The following RAB3C variants were observed in gnomAD, a reference collection of about 807,000 sequenced individuals.
The protein encoded by RAB3C is ras-related protein Rab-3C.
Under a neutral mutation model 26.4 loss-of-function variants are expected in RAB3C, and 17 were observed. The observed-to-expected ratio is 0.64, with a 90% CI of 0.44 to 0.97. The LOEUF is 0.97. RAB3C is among the 50% of genes least tolerant of loss of function. RAB3C has a pLI of 0.00. For missense variants in RAB3C, 242 were observed against 281.9 expected (o/e 0.86, Z 1.01); for synonymous variants, 91 against 95.9 (o/e 0.95, Z 0.30).
chr5:58,685,424 C>T (rs545258642), intron 2 of RAB3C, among the ~76,000 whole-genome samples: 44 of 152,188 alleles, frequency 2.9e-4, no homozygotes, highest in African/African-American at 5.5e-4. Context: ...AACTTTCTGT[C>T]GCCCACTTAA....
intron 1 of RAB3C, among the ~76,000 whole-genome samples, chr5:58,593,923 C>T (rs1036677180): frequency 1.3e-5 from 2 of 152,108 alleles, no homozygotes; most frequent in Non-Finnish European, 2.9e-5. Context: ...GTCTAGCGAC[C>T]TTCAAAAAAA....
chr5:58,583,439 A>G, intron 1 of RAB3C: 1 of 688,970 alleles, frequency 1.5e-6, no homozygotes, highest in Non-Finnish European at 1.8e-6. Context: ...GGATCGGGCT[A>G]TTCGCAATCT....
Position 58,735,176 on chromosome 5 carries a change from A to G in RAB3C, c.371+9056A>G, listed in dbSNP as rs144760447. ...GAGGGCTATTTAAAGCAGCAAAGTCACCTGCAACGAGCACAAAAATACGAA... is the reference window on the plus strand; with the variant it reads ...GAGGGCTATTTAAAGCAGCAAAGTCGCCTGCAACGAGCACAAAAATACGAA... On this transcript the variant is annotated intron_variant, in intron 3 of 4. Coordinates refer to ENST00000282878, the MANE Select transcript of RAB3C (RefSeq NM_138453.4). Among the ~76,000 whole-genome samples the G allele has an allele frequency of 1.1e-3, 168 of 152,308 alleles. 1 individual carries two copies. The highest frequency in any genetic ancestry group is 3.8e-3 in the African/African-American group (156 of 41,564).
chr5:58,583,167 A>G lies in RAB3C; in HGVS notation c.-42A>G. 1.2e-6 allele frequency: 2 copies of G among 1,614,056 alleles called. No individual in the cohort carries two copies. The highest frequency in any genetic ancestry group is 1.7e-6 in the Non-Finnish European group (2 of 1,180,034). The stretch of plus-strand genomic sequence containing the variant: ...TGTGCACGCTTGACCGGAAGCCCAG[A>G]CCAGTGCGGTCCTAGCCAGAGAGAA... On this transcript the variant is annotated 5_prime_UTR_variant, in exon 1 of 5. Coordinates refer to ENST00000282878, the MANE Select transcript of RAB3C (RefSeq NM_138453.4).
intron 4 of RAB3C, among the ~76,000 whole-genome samples, chr5:58,835,859 A>G (rs1743735602): frequency 6.6e-6 from 1 of 152,252 alleles, no homozygotes; most frequent in Non-Finnish European, 1.5e-5. Context: ...GAGCTGAAAA[A>G]GATTAAATCA....
chr5:58,683,320 T>TA (rs1170060472), intron 2 of RAB3C, among the ~76,000 whole-genome samples: 2 of 152,234 alleles, frequency 1.3e-5, no homozygotes, highest in Admixed American at 6.5e-5. Context: ...CTTATATACT[T>TA]TTCCTCCTGG....
At chr5:58,593,564 A>C (rs570576737) in intron 1 of RAB3C, among the ~76,000 whole-genome samples, 1 of 152,282 alleles carries the variant, frequency 6.6e-6, no homozygotes, top group South Asian at 2.1e-4. Flanking sequence ...TTTCAAATTA[A>C]ATTGTGGGCT....
At chr5:58,846,793 G>T (rs1156676) in intron 4 of RAB3C, 4,748 of 151,872 alleles carry the variant, frequency 0.031, 134 homozygotes, top group East Asian at 0.1. Flanking sequence ...CTCTCTGCTT[G>T]CTCTTTCAGT....
intron 3 of RAB3C, among the ~76,000 whole-genome samples, chr5:58,736,089 T>G (rs148869393): frequency 1.2e-3 from 178 of 152,312 alleles, no homozygotes; most frequent in African/African-American, 4.2e-3. Context: ...TTAGCTAAGT[T>G]TTCAAATGTG....
chr5:58,681,460 G>A (rs968017403), intron 2 of RAB3C, among the ~76,000 whole-genome samples: 1 of 152,204 alleles, frequency 6.6e-6, no homozygotes, highest in Non-Finnish European at 1.5e-5. Flanking sequence ...GTTCCCATGA[G>A]AGAAATTAAC....
chr5:58,606,540 G>C (rs1490442377), intron 1 of RAB3C, among the ~76,000 whole-genome samples: 1 of 152,162 alleles, frequency 6.6e-6, no homozygotes, highest in Non-Finnish European at 1.5e-5. Flanking sequence ...AGAGAGCAGT[G>C]GTTCTCCCAG....
In RAB3C at chr5:58,797,352, AAATATGTATATATATAATATATAT is replaced by A. The variant is rs1268675172; in HGVS notation, c.372-27684_372-27661del. On this transcript the variant is annotated intron_variant, in intron 3 of 4. Transcript: ENST00000282878. Reference sequence around the variant, plus strand: ...CTCCCTGGAAGACAAAAAAAAAAAAAAATATGTATATATATAATATATATATATATATATATATATATATACACA... The same window carrying A: ...CTCCCTGGAAGACAAAAAAAAAAAAAATATATATATATATATATATACACA... Among the ~76,000 whole-genome samples, 37 of 58,328 alleles carry A rather than the reference AAATATGTATATATATAATATATAT, an allele frequency of 6.3e-4. 1 individual carries two copies. In the South Asian group the frequency reaches 0.013, roughly 20 times the overall value. The allele number at this position is 58,328 out of a possible 152,430, so 38.3% of individuals were successfully genotyped here.
At chr5:58,600,198 C>T (rs1478991545) in intron 1 of RAB3C, among the ~76,000 whole-genome samples, 2 of 151,984 alleles carry the variant, frequency 1.3e-5, no homozygotes, top group African/African-American at 4.8e-5. Context: ...CATTGGTCTA[C>T]GGATCTATTT....
At chr5:58,651,801 T>A (rs544787627) in intron 2 of RAB3C, among the ~76,000 whole-genome samples, 7 of 152,144 alleles carry the variant, frequency 4.6e-5, no homozygotes, top group Non-Finnish European at 7.4e-5. Context: ...CCCATCCCTA[T>A]ACCAAAATTG....
intron 1 of RAB3C, among the ~76,000 whole-genome samples, chr5:58,606,239 A>G (rs1420063780): frequency 6.6e-6 from 1 of 152,188 alleles, no homozygotes; most frequent in Non-Finnish European, 1.5e-5. Context: ...CAGACCAGGA[A>G]ATTCTCTCCT....
intron 2 of RAB3C, among the ~76,000 whole-genome samples, chr5:58,667,070 G>T (rs1233473071): frequency 1.3e-5 from 2 of 152,148 alleles, no homozygotes; most frequent in African/African-American, 4.8e-5. Context: ...GACTCTCCAA[G>T]TTGCTTTCCC....
intron 3 of RAB3C, among the ~76,000 whole-genome samples, chr5:58,807,532 A>G (rs569057046): frequency 6.6e-6 from 1 of 152,316 alleles, no homozygotes; most frequent in South Asian, 2.1e-4. Context: ...TCCAAGATCA[A>G]GGTGCCTGCT....
intron 2 of RAB3C, among the ~76,000 whole-genome samples, chr5:58,669,396 C>T (rs1225324711): frequency 3.3e-5 from 5 of 152,086 alleles, no homozygotes; most frequent in African/African-American, 1.2e-4. Context: ...CCAGACCACA[C>T]CCAGAGACTA....
chr5:58,715,351 A>AAAT lies in RAB3C; in HGVS notation c.253-10650_253-10648dup, dbSNP rs373495443. Among the ~76,000 whole-genome samples the AAAT allele has an allele frequency of 1.8e-3, 271 of 152,120 alleles. 1 individual carries two copies. The highest frequency in any genetic ancestry group is 5.2e-3 in the Admixed American group (80 of 15,250). ...AGAATAAAAATATTGCAATAAAGAA[A>AAAT]AATCTTAGGTGATTTTTTTTCTTTT... On this transcript the variant is annotated intron_variant, in intron 2 of 4. Transcript: ENST00000282878.
Sources: gnomAD v4.1 joint callset for allele counts (sites outside exome capture counted in the v4.1 genomes callset) on GRCh38, gnomAD v4.1.1 for gene constraint, MANE v1.5 for transcripts, NCBI Gene and HGNC (gene_info 2026-07-23, HGNC 2026-07-21) for gene names.